LHFPL6: variants seen among roughly 807,000 people sequenced by gnomAD.
LHFPL6 encodes the protein LHFPL tetraspan subfamily member 6 protein.
In LHFPL6, 9 loss-of-function variants were observed where a neutral mutation model predicts 20.6. That is an observed-to-expected ratio of 0.44 (90% CI 0.26 to 0.76). The LOEUF is 0.76. LHFPL6 is among the 30% of genes least tolerant of loss of function. The probability of loss-of-function intolerance (pLI) is 0.20; values close to 1 mark genes in which losing one functional copy is unlikely to be tolerated. For missense variants in LHFPL6, 218 were observed against 253.5 expected (o/e 0.86, Z 0.95); for synonymous variants, 105 against 98.7 (o/e 1.06, Z -0.38).
chr13:39,443,877 G>C (rs1384126309), intron 2 of LHFPL6, among the ~76,000 whole-genome samples: 1 of 150,220 alleles, frequency 6.7e-6, no homozygotes, highest in African/African-American at 2.5e-5. Flanking sequence ...TATACAATAG[G>C]CTTTTGTCTA....
At chr13:39,588,043 T>C (rs1872504011) in intron 2 of LHFPL6, among the ~76,000 whole-genome samples, 1 of 151,970 alleles carries the variant, frequency 6.6e-6, no homozygotes, top group African/African-American at 2.4e-5. Context: ...CCAGGAAACG[T>C]AGTCCTTGTG....
At chr13:39,506,324 G>C (rs931320909) in intron 2 of LHFPL6, among the ~76,000 whole-genome samples, 1 of 152,164 alleles carries the variant, frequency 6.6e-6, no homozygotes, top group Non-Finnish European at 1.5e-5. Flanking sequence ...CCTTGGCCAA[G>C]TTCTTAACAA....
chr13:39,395,857 A>G (rs1870828131), intron 2 of LHFPL6, among the ~76,000 whole-genome samples: 1 of 152,224 alleles, frequency 6.6e-6, no homozygotes, highest in African/African-American at 2.4e-5. Context: ...CCAACTCTGA[A>G]TGGCTGCTGG....
At chr13:39,365,167 G>T (rs1315157853) in intron 3 of LHFPL6, among the ~76,000 whole-genome samples, 1 of 152,194 alleles carries the variant, frequency 6.6e-6, no homozygotes, top group Non-Finnish European at 1.5e-5. Context: ...AAGACAGTGT[G>T]AAAAGAACCA....
At chr13:39,500,767 T>G (rs1869267538) in intron 2 of LHFPL6, among the ~76,000 whole-genome samples, 1 of 152,196 alleles carries the variant, frequency 6.6e-6, no homozygotes, top group South Asian at 2.1e-4. Flanking sequence ...GACACCTCTT[T>G]TAATTTCAAA....
intron 2 of LHFPL6, among the ~76,000 whole-genome samples, chr13:39,486,996 G>T (rs1402386216): frequency 6.6e-6 from 1 of 152,134 alleles, no homozygotes; most frequent in East Asian, 1.9e-4. Context: ...TTGCACAAGG[G>T]TCAAAACTGA....
intron 2 of LHFPL6, among the ~76,000 whole-genome samples, chr13:39,544,447 A>C (rs922051435): frequency 5.9e-5 from 9 of 152,242 alleles, no homozygotes; most frequent in Non-Finnish European, 1.3e-4. Context: ...AAGGCTAATG[A>C]ATAGAAGATA....
At chr13:39,344,620 C>A (rs1462250970) in intron 3 of LHFPL6, among the ~76,000 whole-genome samples, 1 of 152,168 alleles carries the variant, frequency 6.6e-6, no homozygotes. Flanking sequence ...GATAAAGTGT[C>A]ATTTAAATGA....
intron 2 of LHFPL6, among the ~76,000 whole-genome samples, chr13:39,533,278 C>T (rs1048539917): frequency 6.6e-6 from 1 of 152,152 alleles, no homozygotes; most frequent in Non-Finnish European, 1.5e-5. Context: ...TATACAGGGG[C>T]TTAAATGAGA....
intron 2 of LHFPL6, among the ~76,000 whole-genome samples, chr13:39,504,064 C>T (rs1057082009): frequency 6.6e-6 from 1 of 152,174 alleles, no homozygotes; most frequent in Admixed American, 6.5e-5. Context: ...ATTGCTTTTG[C>T]ACCAACCTAA....
intron 2 of LHFPL6, among the ~76,000 whole-genome samples, chr13:39,563,091 AACACACACAC>A (rs60324329): frequency 0.16 from 22,359 of 135,658 alleles, 1,821 homozygotes; most frequent in Middle Eastern, 0.23. Context: ...CAATACTAGA[AACACACACAC>A]ACACACACAC....
At chr13:39,380,224 C>A (rs970260720) in intron 2 of LHFPL6, among the ~76,000 whole-genome samples, 4 of 152,198 alleles carry the variant, frequency 2.6e-5, no homozygotes, top group Admixed American at 2.6e-4. Flanking sequence ...GGTAGCACCA[C>A]TTTCTGAGAA....
intron 2 of LHFPL6, among the ~76,000 whole-genome samples, chr13:39,574,257 C>A (rs903092158): frequency 6.6e-6 from 1 of 151,958 alleles, no homozygotes; most frequent in South Asian, 2.1e-4. Flanking sequence ...CCGAGGCGGG[C>A]GGATCACAAG....
At chr13:39,353,345 G>T (rs531838291) in intron 3 of LHFPL6, among the ~76,000 whole-genome samples, 1 of 152,210 alleles carries the variant, frequency 6.6e-6, no homozygotes, top group East Asian at 1.9e-4. Flanking sequence ...CCTATAAAGA[G>T]AAGACCACCC....
At chr13:39,369,466 T>G (rs138766433) in intron 3 of LHFPL6, among the ~76,000 whole-genome samples, 2 of 152,246 alleles carry the variant, frequency 1.3e-5, no homozygotes, top group Non-Finnish European at 2.9e-5. Flanking sequence ...CATTAGTCCC[T>G]TAAAAAGTGA....
chr13:39,545,709 A>T (rs1449520095), intron 2 of LHFPL6, among the ~76,000 whole-genome samples: 1 of 152,084 alleles, frequency 6.6e-6, no homozygotes, highest in African/African-American at 2.4e-5. Context: ...TCATATCTAC[A>T]TTACTTATAA....
intron 2 of LHFPL6, among the ~76,000 whole-genome samples, chr13:39,501,109 G>T (rs986135914): frequency 1.3e-5 from 2 of 152,126 alleles, no homozygotes; most frequent in African/African-American, 4.8e-5. Context: ...GCACCTTTGA[G>T]GTCTAGATTC....
In LHFPL6 at chr13:39,435,663, G is replaced by A. The variant is rs573371282; in HGVS notation, c.386-57137C>T. On this transcript the variant is annotated intron_variant, in intron 2 of 3. Coordinates refer to ENST00000379589, the MANE Select transcript of LHFPL6 (RefSeq NM_005780.3). The stretch of plus-strand genomic sequence containing the variant: ...TGTATATACTACATACATAGACAGC[G>A]AAATACGAAGAACTCATGGATTCCA... Among the ~76,000 whole-genome samples, 140 of 152,220 alleles carry A rather than the reference G, an allele frequency of 9.2e-4. 1 individual carries two copies. The highest frequency in any genetic ancestry group is 1.2e-3 in the Non-Finnish European group (80 of 67,996).
intron 2 of LHFPL6, among the ~76,000 whole-genome samples, chr13:39,565,435 T>C (rs1375349473): frequency 6.6e-6 from 1 of 152,244 alleles, no homozygotes; most frequent in Non-Finnish European, 1.5e-5. Context: ...TTTGGTGCTG[T>C]GGTTTTTATA....
Sources: allele counts gnomAD v4.1 joint callset (sites outside exome capture counted in the v4.1 genomes callset), GRCh38; gene constraint gnomAD v4.1.1; transcripts MANE v1.5; gene names NCBI Gene and HGNC (gene_info 2026-07-23, HGNC 2026-07-21).